HS3ST6: variants seen among roughly 807,000 people sequenced by gnomAD.
The protein encoded by HS3ST6 is heparan sulfate-glucosamine 3-sulfotransferase 6.
Under a neutral mutation model 11.0 loss-of-function variants are expected in HS3ST6, and 13 were observed. That is an observed-to-expected ratio of 1.18 (90% confidence interval 0.77 to 1.88). The LOEUF (loss-of-function observed/expected upper bound fraction) is 1.88. Among genes scored for constraint, HS3ST6 ranks in the 40% most tolerant of loss-of-function variants. The pLI is 0.00. For synonymous variants in HS3ST6, 232 were observed against 230.6 expected (o/e 1.01, Z -0.06); for missense variants, 541 against 494.4 (o/e 1.09, Z -0.89).
chr16:1,912,997 G>A lies in HS3ST6; in HGVS notation c.414-792C>T, dbSNP rs568613801. On this transcript the variant is annotated intron_variant, in intron 1 of 1. Transcript: ENST00000454677. The surrounding 1 kb of genome is among the most constrained non-coding windows in gnomAD (Gnocchi z 5.6). ...AGTAGAGACGGGGTTTCGCCATGTT[G>A]GCCAGGCTGGTCTCGAACTCCTGAC... 5.9e-5 allele frequency among the ~76,000 whole-genome samples: 9 copies of A among 152,190 alleles called. No homozygotes were observed. Among genetic ancestry groups the A allele is most frequent in the African/African-American group, 1.9e-4 (8 of 41,540 alleles).
At position 1,917,847 on chromosome 16, in the gene HS3ST6, C is replaced by T. The variant is rs575504903; in HGVS notation, c.413+64G>A. On this transcript the variant is annotated intron_variant, in intron 1 of 1. Coordinates refer to ENST00000454677, the MANE Select transcript of HS3ST6 (RefSeq NM_001009606.4). ...GAGGCAGGATATCGTGCCGCTGCTC[C>T]CTGGGGCGCACGATACCCTCCCCAG... 7.3e-5 allele frequency: 90 copies of T among 1,226,750 alleles called. No individual in the cohort carries two copies. The East Asian group carries it at 2.6e-3, about 35-fold the overall frequency. 76.0% of individuals were successfully genotyped at this position (1,226,750 alleles called of 1,614,324 possible). A position where few individuals can be genotyped will look rare whatever the true frequency, so the allele number is the denominator to read the frequency against.
Position 1,911,596 on chromosome 16 carries a change from C to T in HS3ST6, c.1023G>A (p.Trp341Ter), listed in dbSNP as rs200537313. The T allele has an allele frequency of 8.1e-5, 130 of 1,599,310 alleles. No individual in the cohort carries two copies. In the African/African-American group the frequency reaches 1.6e-3, roughly 20 times the overall value. Residue 341 changes from tryptophan (W) to a stop codon, truncating the protein, a stop_gained, in exon 2 of 2, where the codon TGG (tryptophan) becomes TGA (stop). Transcript: ENST00000454677. LOFTEE classifies it high-confidence loss of function. The part of the protein sequence containing the change: ...FYQMTGQDFG[W>*]G ...AGCATCCCCAGGGTGCCGCTCAGCC[C>T]CAGCCGAAGTCCTGGCCCGTCATCT...
chr16:1,917,869 C>A, intron 1 of HS3ST6, 42 bp downstream of exon 1: 1 of 1,322,474 alleles, frequency 7.6e-7, no homozygotes, highest in East Asian at 3.1e-5. Context: ...GATACCCTCC[C>A]CAGGAAGGCG....
intron 1 of HS3ST6, among the ~76,000 whole-genome samples, chr16:1,916,025 C>G (rs1156241790): frequency 6.6e-6 from 1 of 152,128 alleles, no homozygotes; most frequent in African/African-American, 2.4e-5. Context: ...TCCAGGGTCT[C>G]AAGAGCAGAC....
In HS3ST6 at chr16:1,917,940, C is replaced by G. The variant is rs560613201; in HGVS notation, c.384G>C (p.Arg128Ser). 1 of 1,505,784 alleles carries G rather than the reference C, an allele frequency of 6.6e-7. No homozygotes were observed. The highest frequency in any genetic ancestry group is 1.4e-5 in the African/African-American group (1 of 70,060). 93.3% of individuals were successfully genotyped at this position (1,505,784 alleles called of 1,614,324 possible). A position where few individuals can be genotyped will look rare whatever the true frequency, so the allele number is the denominator to read the frequency against. Residue 128 changes from arginine (R) to serine (S), a missense_variant, in exon 1 of 2, where the codon AGG (arginine) becomes AGC (serine). By Grantham distance (110) the Arg-to-Ser change is moderately radical. Coordinates refer to ENST00000454677, the MANE Select transcript of HS3ST6 (RefSeq NM_001009606.4). ...ALGSEPHFFD[R>S]CYERGLAWYR... The stretch of plus-strand genomic sequence containing the variant: ...ACCAGGCGAGGCCGCGCTCGTAGCA[C>G]CTGTCGAAGAAGTGGGGCTCAGAGC...
In HS3ST6 at chr16:1,918,058, C is replaced by A. The variant is rs1304682965; in HGVS notation, c.266G>T (p.Arg89Leu). ...GCCAACGATGAGCGCTTGCGGGAAG[C>A]GCCGGCGGCCGGGACCGCTGGCCAA... ...LPLASGPGRRRFPQALIVGVK... is the reference protein window; with the variant it reads ...LPLASGPGRRLFPQALIVGVK... Residue 89 changes from arginine to leucine, a missense_variant, in exon 1 of 2, where the codon CGC (arginine) becomes CTC (leucine). Coordinates refer to ENST00000454677, the MANE Select transcript of HS3ST6 (RefSeq NM_001009606.4). This position sits in a 1 kb window ranked among gnomAD's most constrained non-coding sequence, Gnocchi z 6.0. 4 of 1,510,692 alleles carry A rather than the reference C, an allele frequency of 2.6e-6. No individual in the cohort carries two copies. The highest frequency in any genetic ancestry group is 3.5e-6 in the Non-Finnish European group (4 of 1,135,974). The allele number at this position is 1,510,692 out of a possible 1,614,324, so 93.6% of individuals were successfully genotyped here. A position where few individuals can be genotyped will look rare whatever the true frequency, so the allele number is the denominator to read the frequency against.
rs1405254040 is a variant in HS3ST6 at position 1,911,911 on chromosome 16, C to G, written c.708G>C (p.Leu236=). The part of the protein sequence containing the change: ...GLYAQHLDHW[L]RYFPLSHFLF... ...GGAAGTGGGACAGGGGGAAGTAGCG[C>G]AGCCAGTGGTCCAGGTGCTGGGCGT... Residue 236 remains leucine (L), a synonymous_variant, in exon 2 of 2, where the codon CTG becomes CTC. Coordinates refer to ENST00000454677, the MANE Select transcript of HS3ST6 (RefSeq NM_001009606.4). The G allele has an allele frequency of 5.6e-6, 9 of 1,602,098 alleles. No homozygotes were observed. The highest frequency in any genetic ancestry group is 6.8e-6 in the Non-Finnish European group (8 of 1,173,048).
intron 1 of HS3ST6, 32 bp downstream of exon 1, chr16:1,917,879 G>A (rs1460383855): frequency 1.5e-6 from 2 of 1,340,208 alleles, no homozygotes; most frequent in Non-Finnish European, 1.9e-6. Flanking sequence ...CCAGGAAGGC[G>A]CCGGTCAGGG....
At chr16:1,914,112 C>T (rs1315029290) in intron 1 of HS3ST6, among the ~76,000 whole-genome samples, 1 of 152,134 alleles carries the variant, frequency 6.6e-6, no homozygotes, top group Non-Finnish European at 1.5e-5. Context: ...GGCAGGGGTG[C>T]TGGGGATGAG....
At chr16:1,918,859 C>G (rs2082945879), upstream of HS3ST6, among the ~76,000 whole-genome samples, 1 of 152,180 alleles carries the variant, frequency 6.6e-6, no homozygotes, top group South Asian at 2.1e-4. The surrounding 1 kb of genome is among the most constrained non-coding windows in gnomAD (Gnocchi z 6.0). Context: ...GGAAAAGCGT[C>G]GATCCGGGCA....
chr16:1,915,347 C>T (rs997844330), intron 1 of HS3ST6, among the ~76,000 whole-genome samples: 1 of 152,236 alleles, frequency 6.6e-6, no homozygotes, highest in Admixed American at 6.5e-5. Flanking sequence ...ACAATCTCAG[C>T]TCACTACAAC....
In HS3ST6 at chr16:1,912,035, AGCGTCTGG is replaced by A; in HGVS notation, c.576_583del (p.Gln193LeufsTer182). On this transcript the variant is annotated frameshift_variant, in exon 2 of 2. Coordinates refer to ENST00000454677, the MANE Select transcript of HS3ST6 (RefSeq NM_001009606.4). LOFTEE classifies it low-confidence loss of function (END_TRUNC). This position sits in a 1 kb window ranked among gnomAD's most constrained non-coding sequence, Gnocchi z 5.6. The stretch of plus-strand genomic sequence containing the variant: ...GCTGGGCAGGCCCGGGGTCTTGGAG[AGCGTCTGG>A]GCGTAGTCGGAGATGGCCCGGGTCA... 6.6e-7 allele frequency: 1 copy of A among 1,521,862 alleles called. No homozygotes were observed. Among genetic ancestry groups the A allele is most frequent in the Non-Finnish European group, 8.8e-7 (1 of 1,136,536 alleles). 94.3% of individuals were successfully genotyped at this position (1,521,862 alleles called of 1,614,324 possible).
At position 1,918,050 on chromosome 16, in the gene HS3ST6, G is replaced by C; in HGVS notation, c.274C>G (p.Gln92Glu). ...ASGPGRRRFP[Q>E]ALIVGVKKGG... ...TTCTTCACGCCAACGATGAGCGCTT[G>C]CGGGAAGCGCCGGCGGCCGGGACCG... The change falls in exon 1 of 2, where the codon CAA becomes GAA. Residue 92 changes from glutamine to glutamate, a missense_variant. Gln to Glu is a conservative substitution (Grantham distance 29, BLOSUM62 2). Coordinates refer to ENST00000454677, the MANE Select transcript of HS3ST6 (RefSeq NM_001009606.4). The surrounding 1 kb of genome is among the most constrained non-coding windows in gnomAD (Gnocchi z 6.0). 1 of 1,514,918 alleles carries C rather than the reference G, an allele frequency of 6.6e-7. No individual in the cohort carries two copies. The highest frequency in any genetic ancestry group is 8.8e-7 in the Non-Finnish European group (1 of 1,138,168). The allele number at this position is 1,514,918 out of a possible 1,614,324, so 93.8% of individuals were successfully genotyped here.
At chr16:1,916,942 T>A (rs1036690009) in intron 1 of HS3ST6, among the ~76,000 whole-genome samples, 1 of 151,630 alleles carries the variant, frequency 6.6e-6, no homozygotes, top group Non-Finnish European at 1.5e-5. Context: ...GGACTCCATG[T>A]CCCCTAGCCA....
rs755006323 is a variant in HS3ST6, at chr16:1,911,615, G to A, written c.1004C>T (p.Thr335Met). The change falls in exon 2 of 2, where the codon ACG (threonine) becomes ATG (methionine). Residue 335 changes from threonine (T) to methionine (M), a missense_variant. Physicochemically the swap from Thr to Met is moderately conservative, Grantham distance 81. Coordinates refer to ENST00000454677, the MANE Select transcript of HS3ST6 (RefSeq NM_001009606.4). ...RPFNRRFYQMTGQDFGWG is the reference protein window; with the variant it reads ...RPFNRRFYQMMGQDFGWG The stretch of plus-strand genomic sequence containing the variant: ...TCAGCCCCAGCCGAAGTCCTGGCCC[G>A]TCATCTGGTAGAACCTGCGGTTGAA... 55 of 1,606,498 alleles carry A rather than the reference G, an allele frequency of 3.4e-5. 1 individual carries two copies. The East Asian group carries it at 4.9e-4, about 14-fold the overall frequency.
intron 1 of HS3ST6, among the ~76,000 whole-genome samples, chr16:1,914,190 G>A (rs902102877): frequency 6.6e-6 from 1 of 152,128 alleles, no homozygotes; most frequent in African/African-American, 2.4e-5. Context: ...TGGAAGGGTG[G>A]TGTCAGTCCC....
chr16:1,912,286 C>T lies in HS3ST6; in HGVS notation c.414-81G>A, dbSNP rs1166643347. On this transcript the variant is annotated intron_variant, in intron 1 of 1. Transcript: ENST00000454677. This position sits in a 1 kb window ranked among gnomAD's most constrained non-coding sequence, Gnocchi z 5.6. ...CCCAGGGGCCCGGGACCAAGGCCCC[C>T]TTATGCCCGGGAAGCCCAGGCCTCC... The T allele has an allele frequency of 8.2e-7, 1 of 1,223,140 alleles. No homozygotes were observed. The highest frequency in any genetic ancestry group is 1.0e-6 in the Non-Finnish European group (1 of 964,108). The allele number at this position is 1,223,140 out of a possible 1,614,324, so 75.8% of individuals were successfully genotyped here. A position where few individuals can be genotyped will look rare whatever the true frequency, so the allele number is the denominator to read the frequency against.
rs1471496738 is a variant in HS3ST6 at position 1,912,756 on chromosome 16, G to GCTCC, written c.414-555_414-552dup. Among the ~76,000 whole-genome samples the GCTCC allele has an allele frequency of 6.6e-6, 1 of 152,034 alleles. No individual in the cohort carries two copies. Among genetic ancestry groups the GCTCC allele is most frequent in the Non-Finnish European group, 1.5e-5 (1 of 67,994 alleles). On this transcript the variant is annotated intron_variant, in intron 1 of 1. Coordinates refer to ENST00000454677, the MANE Select transcript of HS3ST6 (RefSeq NM_001009606.4). The surrounding 1 kb of genome is among the most constrained non-coding windows in gnomAD (Gnocchi z 5.6). ...TCCTCAACCAAAAGTAGTCCTCCCT[G>GCTCC]CTCCCTCCCTCCCCTGATGTAATTA... is the stretch of plus-strand genomic sequence containing the variant.
upstream of HS3ST6, among the ~76,000 whole-genome samples, chr16:1,919,168 T>C (rs543113186): frequency 3.9e-5 from 6 of 152,286 alleles, no homozygotes; most frequent in East Asian, 1.2e-3. Flanking sequence ...CCAGCCTTGG[T>C]CCACCTGGCA....
Sources: allele counts gnomAD v4.1 joint callset (sites outside exome capture counted in the v4.1 genomes callset), GRCh38; gene constraint gnomAD v4.1.1; non-coding constraint Gnocchi (gnomAD v3.1); transcripts MANE v1.5; gene names NCBI Gene and HGNC (gene_info 2026-07-23, HGNC 2026-07-21).